KARS1: variants seen among roughly 807,000 people sequenced by gnomAD.
The protein encoded by KARS1 is lysine--tRNA ligase.
A neutral mutation model predicts 63.9 loss-of-function variants in KARS1; 50 were observed. The observed-to-expected ratio is 0.78, with a 90% CI of 0.62 to 0.99. The LOEUF (loss-of-function observed/expected upper bound fraction) is 0.99. Ranked by LOEUF, KARS1 falls within the 50% of genes least tolerant of loss-of-function variation. The probability of loss-of-function intolerance (pLI) is 0.00; values close to 1 mark genes in which losing one functional copy is unlikely to be tolerated. For synonymous variants in KARS1, 320 were observed against 264.6 expected (o/e 1.21, Z -2.03); for missense variants, 816 against 754.5 (o/e 1.08, Z -0.95).
chr16:75,632,437 G>C (rs1429895917), intron 7 of KARS1, among the ~76,000 whole-genome samples: 1 of 152,144 alleles, frequency 6.6e-6, no homozygotes, highest in Non-Finnish European at 1.5e-5. Context: ...GCCTCTCTTG[G>C]GGTTAGGCTG....
rs187354413 is a variant in KARS1, at chr16:75,645,788, C to T, written c.62+1790G>A. ...CTTGAACCCGGGAGTTGCAAGTTGC[C>T]GTGGGCTGAAATCGCACCGCTGCAA... On this transcript the variant is annotated intron_variant, in intron 1 of 13. Coordinates refer to ENST00000302445, the MANE Select transcript of KARS1 (RefSeq NM_005548.3). Among the ~76,000 whole-genome samples the T allele has an allele frequency of 2.1e-5, 3 of 140,626 alleles. No homozygotes were observed. The East Asian group carries it at 7.4e-4, about 35-fold the overall frequency. The allele number at this position is 140,626 out of a possible 152,430, so 92.3% of individuals were successfully genotyped here. A position where few individuals can be genotyped will look rare whatever the true frequency, so the allele number is the denominator to read the frequency against.
intron 1 of KARS1, among the ~76,000 whole-genome samples, chr16:75,643,161 A>G (rs1272642368): frequency 6.6e-6 from 1 of 152,150 alleles, no homozygotes; most frequent in East Asian, 1.9e-4. Flanking sequence ...CCAGAAACTA[A>G]ACAGATTGGT....
At chr16:75,629,636 G>T in intron 11 of KARS1, 95 bp from the exon 12 acceptor site, 1 of 1,346,554 alleles carries the variant, frequency 7.4e-7, no homozygotes, top group Non-Finnish European at 1.0e-6. Flanking sequence ...GTCTCGCTCT[G>T]TCACGCAGGC....
Position 75,627,948 on chromosome 16 carries a change from T to C in KARS1, c.1741A>G (p.Asn581Asp). ...PAMKPEDKKENVATTDTLEST... is the reference protein window; with the variant it reads ...PAMKPEDKKEDVATTDTLEST... ...TCCAGTGTATCAGTGGTTGCTACAT[T>C]CTCCTTCTTGTCTTCGGGTTTCATG... The change falls in exon 14 of 14, where the codon AAT (asparagine) becomes GAT (aspartate). Residue 581 changes from asparagine (N) to aspartate (D), a missense_variant. Coordinates refer to ENST00000302445, the MANE Select transcript of KARS1 (RefSeq NM_005548.3). The C allele has an allele frequency of 6.2e-7, 1 of 1,612,136 alleles. No individual in the cohort carries two copies. Among genetic ancestry groups the C allele is most frequent in the Non-Finnish European group, 8.5e-7 (1 of 1,178,220 alleles).
chr16:75,637,693 C>T (rs1303435977), intron 3 of KARS1, among the ~76,000 whole-genome samples: 3 of 150,926 alleles, frequency 2.0e-5, no homozygotes, highest in African/African-American at 7.3e-5. Context: ...GCAGGAGAAT[C>T]GCTTGAACCT....
chr16:75,633,634 C>CA (rs2082134006), intron 7 of KARS1, among the ~76,000 whole-genome samples: 1 of 151,810 alleles, frequency 6.6e-6, no homozygotes, highest in African/African-American at 2.4e-5. Context: ...CCTCCTGCCT[C>CA]AGTCTCCCAA....
intron 6 of KARS1, chr16:75,635,314 G>C (rs565680359): frequency 1.2e-5 from 4 of 324,402 alleles, no homozygotes; most frequent in African/African-American, 8.6e-5. Flanking sequence ...GAGTGAAAGA[G>C]CACTTTCAGT....
chr16:75,646,428 C>G (rs1004674148), intron 1 of KARS1, among the ~76,000 whole-genome samples: 3 of 151,880 alleles, frequency 2.0e-5, no homozygotes, highest in Admixed American at 1.3e-4. Context: ...GTAATCCCAG[C>G]TACTCGGGAG....
intron 11 of KARS1, among the ~76,000 whole-genome samples, chr16:75,630,217 G>A (rs181082151): frequency 6.6e-6 from 1 of 152,294 alleles, no homozygotes; most frequent in East Asian, 1.9e-4. Context: ...AGGCCCTGGA[G>A]GATAAGATCG....
intron 1 of KARS1, among the ~76,000 whole-genome samples, chr16:75,647,022 G>A (rs2082293958): frequency 6.6e-6 from 1 of 152,098 alleles, no homozygotes; most frequent in African/African-American, 2.4e-5. Context: ...GAATTAAGAT[G>A]GTCTCTACTG....
At chr16:75,629,769 TG>T (rs985625988) in intron 11 of KARS1, among the ~76,000 whole-genome samples, 1 of 152,208 alleles carries the variant, frequency 6.6e-6, no homozygotes, top group African/African-American at 2.4e-5. Flanking sequence ...GGCTAATTTT[TG>T]TATTTTTAGT....
chr16:75,627,902 G>GAAGTGCCAACTGTTGTGC lies in KARS1; in HGVS notation c.1769_1786dup (p.Thr595_Ser596insCysThrThrValGlyThr). 1 of 1,572,308 alleles carries GAAGTGCCAACTGTTGTGC rather than the reference G, an allele frequency of 6.4e-7. No homozygotes were observed. Among genetic ancestry groups the GAAGTGCCAACTGTTGTGC allele is most frequent in the East Asian group, 2.2e-5 (1 of 44,690 alleles). ...ACTTGCAATTATTATTTTCTAGACA[G>GAAGTGCCAACTGTTGTGC]AAGTGCCAACTGTTGTGCTTTCCAG... On this transcript the variant is annotated inframe_insertion, in exon 14 of 14. Coordinates refer to ENST00000302445, the MANE Select transcript of KARS1 (RefSeq NM_005548.3).
intron 6 of KARS1, among the ~76,000 whole-genome samples, chr16:75,635,144 G>A (rs891320264): frequency 1.3e-5 from 2 of 152,150 alleles, no homozygotes; most frequent in Admixed American, 6.5e-5. Flanking sequence ...CACATAGTGT[G>A]ACTTCATTCA....
chr16:75,638,723 G>A (rs1202369342), intron 3 of KARS1, among the ~76,000 whole-genome samples: 3 of 151,432 alleles, frequency 2.0e-5, no homozygotes, highest in African/African-American at 2.4e-5. Context: ...GTGAAAAGGA[G>A]GATAAAATTT....
intron 7 of KARS1, among the ~76,000 whole-genome samples, chr16:75,632,169 CA>C (rs1567499469): frequency 1.3e-5 from 2 of 152,152 alleles, no homozygotes; most frequent in African/African-American, 4.8e-5. Flanking sequence ...GGATTACAGG[CA>C]TGAGCCACCG....
intron 1 of KARS1, among the ~76,000 whole-genome samples, chr16:75,643,450 T>C (rs1009643720): frequency 4.6e-5 from 7 of 151,612 alleles, no homozygotes; most frequent in Non-Finnish European, 7.4e-5. Flanking sequence ...CGATCTCAGA[T>C]CACTGTAAGC....
rs2082066850 is a variant in KARS1, at chr16:75,627,777, T to C, written c.*118A>G. The C allele has an allele frequency of 5.2e-6, 4 of 764,254 alleles. No homozygotes were observed. The highest frequency in any genetic ancestry group is 9.7e-6 in the Non-Finnish European group (4 of 412,342). The allele number at this position is 764,254 out of a possible 1,614,324, so 47.3% of individuals were successfully genotyped here. ...TTTTAATTCCTTGTCTCTCTTCTGATGGCTGAACAGAACTGCGGTGTCAAA... is the reference window on the plus strand; with the variant it reads ...TTTTAATTCCTTGTCTCTCTTCTGACGGCTGAACAGAACTGCGGTGTCAAA... On this transcript the variant is annotated 3_prime_UTR_variant, in exon 14 of 14. Transcript: ENST00000302445.
At position 75,640,197 on chromosome 16, in the gene KARS1, G is replaced by A; in HGVS notation, c.375C>T (p.Thr125=). Residue 125 remains threonine, a synonymous_variant, in exon 3 of 14, where the codon ACC becomes ACT. Transcript: ENST00000302445. ...LQPGDHLTDI[T]LKVAGRIHAK... is the part of the protein sequence containing the mutation. ...GAGAGTTCCTACCTGCCACCTTTAA[G>A]GTGATGTCAGTCAGGTGATCCCCAG... is the stretch of plus-strand genomic sequence containing the variant. 6.2e-7 allele frequency: 1 copy of A among 1,614,088 alleles called. No homozygotes were observed. Among genetic ancestry groups the A allele is most frequent in the African/African-American group, 1.3e-5 (1 of 75,036 alleles).
chr16:75,642,378 T>C (rs1467136393), intron 1 of KARS1, among the ~76,000 whole-genome samples: 1 of 151,860 alleles, frequency 6.6e-6, no homozygotes, highest in Non-Finnish European at 1.5e-5. Context: ...AATTTATGTA[T>C]TTTTAGTGAG....
Sources: gnomAD v4.1 joint callset for allele counts (sites outside exome capture counted in the v4.1 genomes callset) on GRCh38, gnomAD v4.1.1 for gene constraint, MANE v1.5 for transcripts, NCBI Gene and HGNC (gene_info 2026-07-23, HGNC 2026-07-21) for gene names.